TULP4: variants seen among roughly 807,000 people sequenced by gnomAD.
TULP4 encodes TUB like protein 4.
Under a neutral mutation model 129.0 loss-of-function variants are expected in TULP4, and 16 were observed. The ratio of observed to expected loss-of-function variants is 0.12; its 90% CI spans 0.08 to 0.19. The LOEUF (loss-of-function observed/expected upper bound fraction) is 0.19, where lower values mean the gene tolerates loss of function less well. TULP4 is among the 10% of genes least tolerant of loss of function. The pLI is 1.00. For missense variants in TULP4, 1,842 were observed against 2,059.1 expected, an observed-to-expected ratio of 0.89 and a Z score of 2.04; for synonymous variants, 998 against 854.0, an observed-to-expected ratio of 1.17 and a Z score of -2.94.
intron 1 of TULP4, among the ~76,000 whole-genome samples, chr6:158,403,796 C>G (rs1247918470): frequency 6.6e-6 from 1 of 152,194 alleles, no homozygotes; most frequent in African/African-American, 2.4e-5. Context: ...TGTAGTCAGT[C>G]AGCTAGTTCA....
intron 6 of TULP4, among the ~76,000 whole-genome samples, chr6:158,469,823 G>A (rs139011978): frequency 4.2e-3 from 644 of 151,940 alleles, no homozygotes; most frequent in Non-Finnish European, 6.7e-3. Context: ...TTAACAAGCA[G>A]CAGAAGGAAG....
At chr6:158,267,905 A>G (rs1778476909) in intron 1 of TULP4, among the ~76,000 whole-genome samples, 1 of 151,394 alleles carries the variant, frequency 6.6e-6, no homozygotes, top group Admixed American at 6.6e-5. Flanking sequence ...CTTCTCCTCC[A>G]TGTCTTCTAG....
intron 6 of TULP4, among the ~76,000 whole-genome samples, chr6:158,462,417 A>T (rs1208802534): frequency 6.9e-6 from 1 of 144,424 alleles, no homozygotes; most frequent in Non-Finnish European, 1.5e-5. Context: ...TTTCTCACCC[A>T]GGCTGGAGTG....
intron 1 of TULP4, among the ~76,000 whole-genome samples, chr6:158,259,179 G>A (rs555100046): frequency 6.6e-6 from 1 of 152,344 alleles, no homozygotes; most frequent in African/African-American, 2.4e-5. Flanking sequence ...GCAGTGAGCC[G>A]AGGTTGCGCC....
chr6:158,478,062 A>G (rs1423702356), intron 6 of TULP4, among the ~76,000 whole-genome samples: 1 of 152,162 alleles, frequency 6.6e-6, no homozygotes, highest in East Asian at 1.9e-4. Context: ...AATAACAAGA[A>G]CACATGGATA....
At chr6:158,494,531 C>T (rs781604456) in intron 10 of TULP4, among the ~76,000 whole-genome samples, 2 of 152,030 alleles carry the variant, frequency 1.3e-5, no homozygotes, top group Non-Finnish European at 2.9e-5. Context: ...TGGGACACAC[C>T]CCCACCTTTC....
At chr6:158,426,602 T>C (rs1045991535) in intron 2 of TULP4, among the ~76,000 whole-genome samples, 1 of 152,162 alleles carries the variant, frequency 6.6e-6, no homozygotes, top group Admixed American at 6.5e-5. Flanking sequence ...ACCAGTACCA[T>C]GCTGTTTTGG....
chr6:158,328,867 A>G (rs756439304), intron 1 of TULP4, among the ~76,000 whole-genome samples: 19 of 152,182 alleles, frequency 1.2e-4, no homozygotes, highest in Non-Finnish European at 2.2e-4. Context: ...TGGGCCTTCA[A>G]CAGCGAGGGT....
At chr6:158,370,604 A>G (rs1355461549) in intron 1 of TULP4, among the ~76,000 whole-genome samples, 1 of 152,134 alleles carries the variant, frequency 6.6e-6, no homozygotes, top group African/African-American at 2.4e-5. Flanking sequence ...ATTCAAACAT[A>G]ATGAAATCTG....
intron 1 of TULP4, among the ~76,000 whole-genome samples, chr6:158,383,190 C>G (rs549484651): frequency 1.3e-5 from 2 of 152,316 alleles, no homozygotes; most frequent in African/African-American, 4.8e-5. Flanking sequence ...GAAATTCAGC[C>G]TTTTGACTTC....
chr6:158,341,962 A>G (rs1244138803), intron 1 of TULP4, among the ~76,000 whole-genome samples: 1 of 152,178 alleles, frequency 6.6e-6, no homozygotes. Flanking sequence ...TCTGTCGCCC[A>G]GGCTGGAGTG....
intron 6 of TULP4, among the ~76,000 whole-genome samples, chr6:158,474,479 A>AG (rs55920400): frequency 0.18 from 27,407 of 152,212 alleles, 2,864 homozygotes; most frequent in Middle Eastern, 0.25. Context: ...TAATATAGTG[A>AG]GGAAGCTTTC....
chr6:158,297,043 C>T (rs906338328), intron 1 of TULP4, among the ~76,000 whole-genome samples: 4 of 152,146 alleles, frequency 2.6e-5, no homozygotes, highest in African/African-American at 9.7e-5. Context: ...GTTTCCCAAT[C>T]CTAGTAAGCC....
At chr6:158,345,601 A>T (rs774526972) in intron 1 of TULP4, among the ~76,000 whole-genome samples, 1 of 152,250 alleles carries the variant, frequency 6.6e-6, no homozygotes, top group Non-Finnish European at 1.5e-5. Flanking sequence ...TGGGTGTAAG[A>T]ACAGGGAGTA....
chr6:158,232,548 C>A (rs1777617075), intron 1 of TULP4, among the ~76,000 whole-genome samples: 1 of 151,650 alleles, frequency 6.6e-6, no homozygotes, highest in Admixed American at 6.6e-5. Context: ...GCTGTGGGAG[C>A]CTTTTGTCTC....
At chr6:158,257,274 G>T (rs1331110359) in intron 1 of TULP4, among the ~76,000 whole-genome samples, 3 of 152,082 alleles carry the variant, frequency 2.0e-5, no homozygotes, top group Non-Finnish European at 4.4e-5. Context: ...GTCAGCCTCA[G>T]CTCTGTGCTT....
chr6:158,271,468 C>G (rs1414445237), intron 1 of TULP4, among the ~76,000 whole-genome samples: 3 of 149,298 alleles, frequency 2.0e-5, no homozygotes, highest in African/African-American at 7.4e-5. Flanking sequence ...GGTTCTTGCT[C>G]TGCCACCCAG....
intron 1 of TULP4, among the ~76,000 whole-genome samples, chr6:158,243,452 C>CATAT (rs146352480): frequency 0.32 from 47,585 of 148,814 alleles, 8,393 homozygotes; most frequent in Admixed American, 0.44. Context: ...TATATCATAT[C>CATAT]ATATATATAT....
intron 1 of TULP4, among the ~76,000 whole-genome samples, chr6:158,405,886 T>G (rs1173082767): frequency 6.6e-6 from 1 of 152,200 alleles, no homozygotes; most frequent in African/African-American, 2.4e-5. Flanking sequence ...TTCTCTTTAG[T>G]GTGATTTTAT....
Sources: allele counts gnomAD v4.1 joint callset (sites outside exome capture counted in the v4.1 genomes callset), GRCh38; gene constraint gnomAD v4.1.1; transcripts MANE v1.5; gene names NCBI Gene and HGNC (gene_info 2026-07-23, HGNC 2026-07-21).